The following LAMA2 variants were observed in gnomAD, a reference collection of about 807,000 sequenced individuals.
LAMA2 encodes laminin subunit alpha 2.
LAMA2 carries 269 observed loss-of-function variants against 364.8 expected under a neutral mutation model. That is an observed-to-expected ratio of 0.74 (90% CI 0.67 to 0.82). The LOEUF is 0.82. LAMA2 is among the 40% of genes least tolerant of loss of function. LAMA2 has a pLI of 0.00. For missense variants in LAMA2, 3,807 were observed against 3,873.2 expected, an observed-to-expected ratio of 0.98 and a Z score of 0.45; for synonymous variants, 1,379 against 1,370.6, an observed-to-expected ratio of 1.01 and a Z score of -0.14.
chr6:129,436,606 T>A (rs1363362026), intron 41 of LAMA2, among the ~76,000 whole-genome samples: 1 of 152,076 alleles, frequency 6.6e-6, no homozygotes, highest in African/African-American at 2.4e-5. Context: ...CCAAACCAAA[T>A]ACATGTCTAT....
chr6:129,081,256 G>C (rs1335936458), intron 3 of LAMA2, among the ~76,000 whole-genome samples: 2 of 151,766 alleles, frequency 1.3e-5, no homozygotes, highest in African/African-American at 4.8e-5. Context: ...GGTGGGGTGA[G>C]GGGGGAGGGA....
intron 47 of LAMA2, among the ~76,000 whole-genome samples, chr6:129,454,827 G>A (rs2784891): frequency 1.3e-5 from 2 of 152,164 alleles, no homozygotes; most frequent in South Asian, 2.1e-4. Context: ...GTACCATATA[G>A]ATTACTTATA....
intron 58 of LAMA2, among the ~76,000 whole-genome samples, chr6:129,499,932 CAG>C (rs1393737890): frequency 6.6e-6 from 1 of 151,748 alleles, no homozygotes; most frequent in East Asian, 1.9e-4. Flanking sequence ...TTTGGAGAGA[CAG>C]AGGGGGGCAG....
At position 129,481,390 on chromosome 6, in the gene LAMA2, G is replaced by T; in HGVS notation, c.7700G>T (p.Ser2567Ile). The T allele has an allele frequency of 6.2e-7, 1 of 1,613,976 alleles. No homozygotes were observed. Among genetic ancestry groups the T allele is most frequent in the Non-Finnish European group, 8.5e-7 (1 of 1,179,894 alleles). Residue 2567 changes from serine to isoleucine, a missense_variant, in exon 55 of 65, where the codon AGT (serine) becomes ATT (isoleucine). Ser to Ile is a moderately radical substitution (Grantham distance 142). Coordinates refer to ENST00000421865, the MANE Select transcript of LAMA2 (RefSeq NM_000426.4). ...KNESGIILLG[S>I]GGTPAPPRRK... ...GAGTCCGGCATCATTCTTTTGGGAAGTGGAGGGACACCAGCACCACCTAGG... is the reference window on the plus strand; with the variant it reads ...GAGTCCGGCATCATTCTTTTGGGAATTGGAGGGACACCAGCACCACCTAGG...
chr6:129,492,373 C>T lies in LAMA2; in HGVS notation c.8134C>T (p.His2712Tyr). 1 of 1,614,136 alleles carries T rather than the reference C, an allele frequency of 6.2e-7. No individual in the cohort carries two copies. The highest frequency in any genetic ancestry group is 8.5e-7 in the Non-Finnish European group (1 of 1,179,976). Reference protein sequence around the residue: ...FKNADIGRCAHQKLREDEDGA... With the variant: ...FKNADIGRCAYQKLREDEDGA... ...AAATGCTGACATTGGTCGCTGTGCC[C>T]ATCAGAAACTCCGTGAAGATGAAGA... Residue 2712 changes from histidine (H) to tyrosine (Y), a missense_variant, in exon 58 of 65, where the codon CAT becomes TAT. By Grantham distance (83) the His-to-Tyr change is moderately conservative. Coordinates refer to ENST00000421865, the MANE Select transcript of LAMA2 (RefSeq NM_000426.4).
chr6:129,367,372 T>A (rs1562498463), intron 33 of LAMA2, among the ~76,000 whole-genome samples: 1 of 152,230 alleles, frequency 6.6e-6, no homozygotes. Context: ...AGATTCTATG[T>A]GCTTTAAAAA....
chr6:129,429,487 A>G (rs749323752), intron 41 of LAMA2, among the ~76,000 whole-genome samples: 10 of 152,240 alleles, frequency 6.6e-5, no homozygotes, highest in Non-Finnish European at 1.5e-4. Context: ...TTTTGGTCTC[A>G]GTAGAAGCTG....
intron 28 of LAMA2, among the ~76,000 whole-genome samples, chr6:129,325,591 A>G (rs1268042914): frequency 6.6e-6 from 1 of 151,182 alleles, no homozygotes; most frequent in Non-Finnish European, 1.5e-5. Context: ...GTTGTCAAAT[A>G]CTCTCTCTCT....
intron 1 of LAMA2, among the ~76,000 whole-genome samples, chr6:128,989,675 G>A (rs1783484110): frequency 6.6e-6 from 1 of 152,192 alleles, no homozygotes; most frequent in Non-Finnish European, 1.5e-5. Flanking sequence ...ACTTATAAAA[G>A]CCAGTTTTGT....
chr6:129,200,415 TATAC>T (rs1562324805), intron 12 of LAMA2, among the ~76,000 whole-genome samples: 3 of 147,872 alleles, frequency 2.0e-5, no homozygotes, highest in Non-Finnish European at 4.5e-5. Context: ...CACATATACA[TATAC>T]GTGTATATGT....
chr6:129,109,680 A>C (rs1340187214), intron 4 of LAMA2, among the ~76,000 whole-genome samples: 2 of 152,108 alleles, frequency 1.3e-5, no homozygotes, highest in South Asian at 4.1e-4. Flanking sequence ...ACTTTGACAG[A>C]GATATAGTAA....
At chr6:129,249,171 G>A (rs908078665) in intron 12 of LAMA2, among the ~76,000 whole-genome samples, 3 of 152,148 alleles carry the variant, frequency 2.0e-5, no homozygotes, top group African/African-American at 4.8e-5. Context: ...AGGGTTGGAC[G>A]TGAAAGGCCA....
intron 1 of LAMA2, among the ~76,000 whole-genome samples, chr6:128,984,875 C>T (rs573098660): frequency 1.9e-4 from 29 of 152,224 alleles, no homozygotes; most frequent in Admixed American, 3.9e-4. Context: ...CACTTCACTG[C>T]GTTGAATCTG....
rs529760082 is a variant in LAMA2, at chr6:129,004,638, A to T, written c.113-45280A>T. On this transcript the variant is annotated intron_variant, in intron 1 of 64. Coordinates refer to ENST00000421865, the MANE Select transcript of LAMA2 (RefSeq NM_000426.4). ...ACGTTGACTTAAATCAGTTGGGTAA[A>T]TTGTAAACTCAATTCCTTACTTTGA... 2.6e-5 allele frequency among the ~76,000 whole-genome samples: 4 copies of T among 152,236 alleles called. No homozygotes were observed. In the East Asian group the frequency reaches 5.8e-4, roughly 22 times the overall value.
chr6:128,929,794 A>T (rs1427256415), intron 1 of LAMA2: 1 of 1,041,524 alleles, frequency 9.6e-7, no homozygotes, highest in Non-Finnish European at 1.5e-6. Flanking sequence ...CCTGACTTCC[A>T]ACCACACCCA....
At chr6:128,929,199 C>T (rs1487412480) in intron 1 of LAMA2, 5 of 1,489,818 alleles carry the variant, frequency 3.4e-6, no homozygotes, top group Admixed American at 1.7e-5. Context: ...GAGGCAAGAG[C>T]TCCCACCCAG....
intron 1 of LAMA2, among the ~76,000 whole-genome samples, chr6:129,038,475 G>T (rs1213735052): frequency 6.6e-6 from 1 of 152,160 alleles, no homozygotes; most frequent in Non-Finnish European, 1.5e-5. Context: ...AACTTGCAGA[G>T]TTGATGGGAA....
intron 12 of LAMA2, among the ~76,000 whole-genome samples, chr6:129,238,012 A>AC (rs1395305640): frequency 1.8e-3 from 275 of 151,538 alleles, no homozygotes; most frequent in African/African-American, 6.5e-3. Flanking sequence ...ACAAAAAAAA[A>AC]AAAAAAGCCA....
intron 1 of LAMA2, among the ~76,000 whole-genome samples, chr6:128,966,259 G>A (rs554312750): frequency 3.1e-4 from 47 of 151,818 alleles, no homozygotes; most frequent in Non-Finnish European, 4.1e-4. Context: ...TAAGAGATTA[G>A]CCATACATTT....
Sources: allele counts gnomAD v4.1 joint callset (sites outside exome capture counted in the v4.1 genomes callset), GRCh38; gene constraint gnomAD v4.1.1; transcripts MANE v1.5; gene names NCBI Gene and HGNC (gene_info 2026-07-23, HGNC 2026-07-21).